The following KCNAB2 variants were observed in gnomAD, a reference collection of about 807,000 sequenced individuals.
KCNAB2 encodes the protein potassium voltage-gated channel subfamily A regulatory beta subunit 2, also known as voltage-gated potassium channel subunit beta-2.
In KCNAB2, 29 loss-of-function variants were observed where a neutral mutation model predicts 63.6. The observed-to-expected ratio is 0.46, with a 90% CI of 0.34 to 0.62. KCNAB2 has a LOEUF of 0.62. Ranked by LOEUF, KCNAB2 falls within the 20% of genes least tolerant of loss-of-function variation. The probability of loss-of-function intolerance (pLI) is 0.01; values close to 1 mark genes in which losing one functional copy is unlikely to be tolerated. For synonymous variants in KCNAB2, 222 were observed against 224.2 expected, an observed-to-expected ratio of 0.99 and a Z score of 0.09; for missense variants, 359 against 563.9, an observed-to-expected ratio of 0.64 and a Z score of 3.68.
chr1:6,070,282 G>A (rs1487401480), intron 2 of KCNAB2, among the ~76,000 whole-genome samples: 1 of 152,198 alleles, frequency 6.6e-6, no homozygotes. Flanking sequence ...CAGCTGAGAG[G>A]CACTGATCAG....
intron 2 of KCNAB2, among the ~76,000 whole-genome samples, chr1:6,056,203 C>T (rs1428509426): frequency 1.3e-5 from 2 of 152,002 alleles, no homozygotes; most frequent in African/African-American, 4.8e-5. Flanking sequence ...AGCCACCATG[C>T]CCGGCTATTT....
At chr1:6,026,352 CCAA>C (rs1659179079) in intron 1 of KCNAB2, 1 of 152,256 alleles carries the variant, frequency 6.6e-6, no homozygotes, top group African/African-American at 2.4e-5. Flanking sequence ...TGCTGTGGTC[CCAA>C]GGCGCGTGCT....
At chr1:6,029,152 G>A (rs905842541) in intron 1 of KCNAB2, among the ~76,000 whole-genome samples, 14 of 152,194 alleles carry the variant, frequency 9.2e-5, no homozygotes, top group East Asian at 3.9e-4. Flanking sequence ...GCATGGCAGC[G>A]TGTGCCTGTA....
At chr1:6,094,031 G>A (rs1195865006) in intron 10 of KCNAB2, among the ~76,000 whole-genome samples, 79 of 152,158 alleles carry the variant, frequency 5.2e-4, no homozygotes, top group Non-Finnish European at 4.4e-5. Flanking sequence ...CGGGGCCCTC[G>A]AATCTTCCCC....
At chr1:6,026,042 G>A (rs1200436330) in intron 1 of KCNAB2, 6 of 152,840 alleles carry the variant, frequency 3.9e-5, no homozygotes, top group Non-Finnish European at 8.8e-5. Context: ...CTGAGAAAGG[G>A]GCTCCTGGGC....
intron 2 of KCNAB2, among the ~76,000 whole-genome samples, chr1:6,052,307 C>T (rs377198291): frequency 1.3e-3 from 198 of 152,128 alleles, no homozygotes; most frequent in African/African-American, 4.6e-3. Flanking sequence ...CACCTGTAGT[C>T]CCAGCTACTT....
chr1:6,087,423 G>C lies in KCNAB2; in HGVS notation c.426-44G>C, dbSNP rs1463016191. The C allele has an allele frequency of 3.7e-6, 6 of 1,606,930 alleles. No individual in the cohort carries two copies. On this transcript the variant is annotated intron_variant, in intron 6 of 15. Transcript: ENST00000378083. The surrounding 1 kb of genome is among the most constrained non-coding windows in gnomAD (Gnocchi z 6.4). The stretch of plus-strand genomic sequence containing the variant: ...GTCGGGGATGAAGGAGGACCCCCCA[G>C]GGGCCGGGCTTATCACACCCCTTCT...
intron 1 of KCNAB2, among the ~76,000 whole-genome samples, chr1:6,010,079 G>A (rs577254488): frequency 1.4e-4 from 21 of 152,090 alleles, no homozygotes; most frequent in African/African-American, 3.9e-4. Context: ...GTTTCACCAC[G>A]TTGGCCAGGC....
intron 1 of KCNAB2, among the ~76,000 whole-genome samples, chr1:6,009,778 GTC>G (rs534062362): frequency 8.6e-5 from 13 of 152,032 alleles, no homozygotes; most frequent in African/African-American, 3.1e-4. Context: ...TTCCCTCTCT[GTC>G]TCTCTATGTC....
chr1:6,071,579 G>C lies in KCNAB2; in HGVS notation c.219-1176G>C, dbSNP rs1049472343. Reference sequence around the variant, plus strand: ...CCTGGGTGGGATCCAGCTCCTCCGCGTGCTGGGCAGGTATCGTAACGTGGG... The same window carrying C: ...CCTGGGTGGGATCCAGCTCCTCCGCCTGCTGGGCAGGTATCGTAACGTGGG... On this transcript the variant is annotated intron_variant, in intron 2 of 15. Transcript: ENST00000378083. This position sits in a 1 kb window ranked among gnomAD's most constrained non-coding sequence, Gnocchi z 8.5. Among the ~76,000 whole-genome samples the C allele has an allele frequency of 6.6e-6, 1 of 152,220 alleles. No individual in the cohort carries two copies. Among genetic ancestry groups the C allele is most frequent in the African/African-American group, 2.4e-5 (1 of 41,458 alleles).
At chr1:6,088,380 T>G (rs1289327268) in intron 7 of KCNAB2, among the ~76,000 whole-genome samples, 1 of 151,970 alleles carries the variant, frequency 6.6e-6, no homozygotes, top group Non-Finnish European at 1.5e-5. Flanking sequence ...CATGCCACCA[T>G]GCCCAGCTAA....
intron 1 of KCNAB2, among the ~76,000 whole-genome samples, chr1:6,010,714 T>G (rs1222893572): frequency 6.6e-6 from 1 of 152,084 alleles, no homozygotes; most frequent in Non-Finnish European, 1.5e-5. Context: ...CAGGGTGGGG[T>G]GGGCCGCCCC....
upstream of KCNAB2, among the ~76,000 whole-genome samples, chr1:6,044,449 G>C (rs1001774563): frequency 6.6e-6 from 1 of 152,170 alleles, no homozygotes; most frequent in African/African-American, 2.4e-5. Context: ...GCAGAGGCTG[G>C]GAAGCATATT....
intron 10 of KCNAB2, 131 bp downstream of exon 10, chr1:6,091,438 G>A: frequency 1.4e-6 from 1 of 695,456 alleles, no homozygotes; most frequent in Non-Finnish European, 2.4e-6. Context: ...AGGGGAAAGA[G>A]CACCCTATGA....
At chr1:6,089,168 CG>C in intron 8 of KCNAB2, 117 bp downstream of exon 8, 1 of 1,096,172 alleles carries the variant, frequency 9.1e-7, no homozygotes, top group Non-Finnish European at 1.3e-6. Flanking sequence ...GGCCCAATCC[CG>C]GGGCACCCGG....
intron 5 of KCNAB2, among the ~76,000 whole-genome samples, chr1:6,083,990 G>A (rs182808187): frequency 1.7e-3 from 265 of 152,308 alleles, no homozygotes; most frequent in African/African-American, 5.6e-3. Context: ...CCCCAAATCA[G>A]GGACCAAGGA....
At chr1:6,047,188 G>A (rs574913068) in intron 1 of KCNAB2, among the ~76,000 whole-genome samples, 1 of 152,316 alleles carries the variant, frequency 6.6e-6, no homozygotes, top group South Asian at 2.1e-4. Flanking sequence ...TTGGAAGTCA[G>A]GGGTCACTGT....
intron 2 of KCNAB2, among the ~76,000 whole-genome samples, chr1:6,054,459 G>A (rs1364435824): frequency 1.3e-5 from 2 of 152,226 alleles, no homozygotes; most frequent in African/African-American, 2.4e-5. Flanking sequence ...GCAAAAGCCT[G>A]TCTCTACTAA....
At chr1:6,053,490 G>A (rs11587586) in intron 2 of KCNAB2, among the ~76,000 whole-genome samples, 4,858 of 152,244 alleles carry the variant, frequency 0.032, 146 homozygotes, top group South Asian at 0.068. Flanking sequence ...CAGGGAGGCC[G>A]AGGGGGAACC....
Sources: allele counts gnomAD v4.1 joint callset (sites outside exome capture counted in the v4.1 genomes callset), GRCh38; gene constraint gnomAD v4.1.1; non-coding constraint Gnocchi (gnomAD v3.1); transcripts MANE v1.5; gene names NCBI Gene and HGNC (gene_info 2026-07-23, HGNC 2026-07-21).